OTUD5: variants seen among roughly 807,000 people sequenced by gnomAD.
OTUD5 encodes OTU deubiquitinase 5, also known as OTU domain-containing protein 5.
A neutral mutation model predicts 36.3 loss-of-function variants in OTUD5; 2 were observed. That is an observed-to-expected ratio of 0.06 (90% CI 0.02 to 0.17). The LOEUF (loss-of-function observed/expected upper bound fraction) is 0.17. Among genes scored for constraint, OTUD5 ranks in the 10% least tolerant of loss-of-function variants. The pLI, the probability that OTUD5 is intolerant of heterozygous loss-of-function variation, is 1.00. For synonymous variants in OTUD5, 234 were observed against 214.9 expected (o/e 1.09, Z -0.78); for missense variants, 233 against 512.3 (o/e 0.45, Z 5.26).
chrX:48,944,148 A>T, intron 2 of OTUD5, 42 bp downstream of exon 2: 1 of 967,296 alleles, frequency 1.0e-6, no homozygotes, highest in Non-Finnish European at 1.5e-6. Flanking sequence ...GACACAGCTT[A>T]GGGGCAGCCC....
chrX:48,943,716 T>C (rs782294817), intron 2 of OTUD5, among the ~76,000 whole-genome samples: 1 of 111,559 alleles, frequency 9.0e-6, no homozygotes, highest in Non-Finnish European at 1.9e-5. Flanking sequence ...GGTATAAACC[T>C]AGGGGTCATA....
intron 2 of OTUD5, chrX:48,939,948 C>T (rs1036720484): frequency 1.8e-5 from 2 of 113,772 alleles, no homozygotes; most frequent in African/African-American, 6.4e-5. Context: ...AGCTAGGTGT[C>T]TACAGGGAAC....
intron 1 of OTUD5, among the ~76,000 whole-genome samples, chrX:48,951,508 G>A (rs782191068): frequency 1.8e-5 from 2 of 111,777 alleles, no homozygotes; most frequent in African/African-American, 6.5e-5. Context: ...CCAGCTACTC[G>A]GGAGGCTGAG....
chrX:48,957,201 C>T lies in OTUD5; in HGVS notation c.370G>A (p.Val124Met). ...GDALGAAAAG[V>M]GAAGVVVGVG... The stretch of plus-strand genomic sequence containing the variant: ...CCCACCACCACGCCCGCGGCACCCA[C>T]ACCCGCCGCCGCTGCGCCCAGCGCG... The change falls in exon 1 of 9, where the codon GTG (valine) becomes ATG (methionine). Residue 124 changes from valine (V) to methionine (M), a missense_variant. Val to Met is a conservative substitution (Grantham distance 21). Coordinates refer to ENST00000376488, the MANE Select transcript of OTUD5 (RefSeq NM_001136157.2). 9.0e-7 allele frequency: 1 copy of T among 1,108,752 alleles called. No individual in the cohort carries two copies. Among genetic ancestry groups the T allele is most frequent in the Non-Finnish European group, 1.2e-6 (1 of 854,523 alleles). The allele number at this position is 1,108,752 out of a possible 1,213,427, so 91.4% of individuals were successfully genotyped here.
At position 48,957,318 on chromosome X, in the gene OTUD5, C is replaced by A; in HGVS notation, c.253G>T (p.Val85Leu). The change falls in exon 1 of 9, where the codon GTG becomes TTG. Residue 85 changes from valine to leucine, a missense_variant. Transcript: ENST00000376488. ...GGACCCGCCACTGCACCAGGCGGCA[C>A]GGCCAGCGCCCAGCGATGAAGAGCG... ...PGALHRWALA[V>L]PPGAVAGPRP... 8.8e-7 allele frequency: 1 copy of A among 1,131,844 alleles called. No individual in the cohort carries two copies. The highest frequency in any genetic ancestry group is 1.2e-6 in the Non-Finnish European group (1 of 864,615). 93.3% of individuals were successfully genotyped at this position (1,131,844 alleles called of 1,213,427 possible).
Position 48,957,409 on chromosome X carries a change from G to A in OTUD5, c.162C>T (p.Ser54=), listed in dbSNP as rs2064268387. ...GVGGGDRDRD[S]GVVGARPRAS... ...CTCGCGGACGGGCCCCCACGACGCC[G>A]GAGTCACGGTCGCGATCGCCGCCGC... Residue 54 remains serine (S), a synonymous_variant, in exon 1 of 9, where the codon TCC becomes TCT. Coordinates refer to ENST00000376488, the MANE Select transcript of OTUD5 (RefSeq NM_001136157.2). 1 of 1,087,503 alleles carries A rather than the reference G, an allele frequency of 9.2e-7. No homozygotes were observed. The highest frequency in any genetic ancestry group is 1.9e-5 in the African/African-American group (1 of 51,695). 89.6% of individuals were successfully genotyped at this position (1,087,503 alleles called of 1,213,427 possible). A position where few individuals can be genotyped will look rare whatever the true frequency, so the allele number is the denominator to read the frequency against.
upstream of OTUD5, chrX:48,957,735 G>A (rs1401431186): frequency 3.9e-6 from 3 of 763,695 alleles, no homozygotes; most frequent in East Asian, 3.7e-4. Flanking sequence ...AGGAGGCGGC[G>A]GCGGCGGCGG....
intron 2 of OTUD5, among the ~76,000 whole-genome samples, chrX:48,935,681 G>C (rs1273274257): frequency 9.0e-6 from 1 of 111,096 alleles, no homozygotes; most frequent in Non-Finnish European, 1.9e-5. Flanking sequence ...GCTCACACCT[G>C]TTATCCCAGC....
At chrX:48,949,385 C>T (rs1193455689) in intron 1 of OTUD5, among the ~76,000 whole-genome samples, 1 of 111,702 alleles carries the variant, frequency 9.0e-6, no homozygotes. Context: ...CTCATCTCTA[C>T]AAAAAATACA....
At position 48,957,460 on chromosome X, in the gene OTUD5, G is replaced by A. The variant is rs1557055955; in HGVS notation, c.111C>T (p.Gly37=). 2 of 929,566 alleles carry A rather than the reference G, an allele frequency of 2.2e-6. No homozygotes were observed. Among genetic ancestry groups the A allele is most frequent in the Admixed American group, 6.2e-5 (1 of 16,059 alleles). 76.6% of individuals were successfully genotyped at this position (929,566 alleles called of 1,213,427 possible). ...PPAPRRGGGV[G]VGGGGTGVGG... Reference sequence around the variant, plus strand: ...CCACGCCCGTGCCGCCGCCGCCCACGCCCACACCTCCGCCGCGCCGCGGCG... The same window carrying A: ...CCACGCCCGTGCCGCCGCCGCCCACACCCACACCTCCGCCGCGCCGCGGCG... Residue 37 remains glycine (G), a synonymous_variant, in exon 1 of 9, where the codon GGC becomes GGT. Coordinates refer to ENST00000376488, the MANE Select transcript of OTUD5 (RefSeq NM_001136157.2).
chrX:48,923,758 G>A lies in OTUD5; in HGVS notation c.1466-12C>T, dbSNP rs782778388. The A allele has an allele frequency of 5.1e-6, 6 of 1,186,659 alleles. No individual in the cohort carries two copies. Among genetic ancestry groups the A allele is most frequent in the African/African-American group, 3.5e-5 (2 of 56,825 alleles). ...CTGACTGCTTGTACCTGAAGCAGAC[G>A]GACAGTCAAAGGTAGGGACCCAGGA... On this transcript the variant is annotated splice_polypyrimidine_tract_variant and intron_variant, in intron 7 of 8. Coordinates refer to ENST00000376488, the MANE Select transcript of OTUD5 (RefSeq NM_001136157.2).
At chrX:48,947,105 G>A (rs1245189598) in intron 1 of OTUD5, among the ~76,000 whole-genome samples, 1 of 112,570 alleles carries the variant, frequency 8.9e-6, no homozygotes, top group African/African-American at 3.2e-5. Context: ...GAGGCTGGGC[G>A]AAGTGGCTCT....
At position 48,953,062 on chromosome X, in the gene OTUD5, A is replaced by G. The variant is rs183072853; in HGVS notation, c.594+3915T>C. 5.4e-5 allele frequency among the ~76,000 whole-genome samples: 6 copies of G among 111,994 alleles called. No homozygotes were observed. The East Asian group carries it at 1.1e-3, about 21-fold the overall frequency. ...TGCAAAATGGGCAGCTGAGGGGGCA[A>G]GTAGTTTGCCTAAAGCTATAAAGCA... On this transcript the variant is annotated intron_variant, in intron 1 of 8. Transcript: ENST00000376488.
rs782605249 is a variant in OTUD5 at position 48,926,069 on chromosome X, AC to A, written c.1060-20del. The A allele has an allele frequency of 3.4e-6, 4 of 1,166,114 alleles. No individual in the cohort carries two copies. In the African/African-American group the frequency reaches 5.3e-5, roughly 15 times the overall value. On this transcript the variant is annotated intron_variant, in intron 5 of 8. Coordinates refer to ENST00000376488, the MANE Select transcript of OTUD5 (RefSeq NM_001136157.2). ...CTGCAAACTGCAAGGAGGGAGAGGA[AC>A]AGGGATGTGCAATAACACACTGAAC...
At chrX:48,925,236 C>A (rs2063646418) in intron 6 of OTUD5, among the ~76,000 whole-genome samples, 1 of 100,724 alleles carries the variant, frequency 9.9e-6, no homozygotes, top group African/African-American at 3.7e-5. Flanking sequence ...CGAGACTGCG[C>A]CACTGCACTC....
chrX:48,957,734 C>CGGA (rs2147706568), upstream of OTUD5: 5 of 729,598 alleles, frequency 6.9e-6, no homozygotes, highest in South Asian at 5.8e-5. Flanking sequence ...GAGGAGGCGG[C>CGGA]GGCGGCGGCG....
rs1557055752 is a variant in OTUD5, at chrX:48,957,232, G to C, written c.339C>G (p.Pro113=). The change falls in exon 1 of 9, where the codon CCC becomes CCG. Residue 113 remains proline, a synonymous_variant. Transcript: ENST00000376488. ...CGGPGGPGGG[P]GDALGAAAAG... Reference sequence around the variant, plus strand: ...CCGCCGCTGCGCCCAGCGCGTCGCCGGGACCGCCGCCGGGACCACCTGGGC... The same window carrying C: ...CCGCCGCTGCGCCCAGCGCGTCGCCCGGACCGCCGCCGGGACCACCTGGGC... 1.1e-5 allele frequency: 12 copies of C among 1,092,815 alleles called. No individual in the cohort carries two copies. The South Asian group carries it at 2.5e-4, about 22-fold the overall frequency. 90.1% of individuals were successfully genotyped at this position (1,092,815 alleles called of 1,213,427 possible). A position where few individuals can be genotyped will look rare whatever the true frequency, so the allele number is the denominator to read the frequency against.
chrX:48,944,277 G>T lies in OTUD5; in HGVS notation c.601C>A (p.His201Asn), dbSNP rs781840824. 2 of 1,188,262 alleles carry T rather than the reference G, an allele frequency of 1.7e-6. No homozygotes were observed. Among genetic ancestry groups the T allele is most frequent in the Non-Finnish European group, 2.3e-6 (2 of 875,996 alleles). The change falls in exon 2 of 9, where the codon CAT becomes AAT. Residue 201 changes from histidine (H) to asparagine (N), a missense_variant. Around this residue, in one of 3 missense-constraint regions of OTUD5, gnomAD observed 155 missense variants for 217.2 expected, o/e 0.71. Transcript: ENST00000376488. Reference protein sequence around the residue: ...MDPATVEQQEHWFEKALRDKK... With the variant: ...MDPATVEQQENWFEKALRDKK... ...TCTCGTAGGGCCTTTTCAAACCAATGCTCCTGCTGGAGGGAAGAGGTGGGG... is the reference window on the plus strand; with the variant it reads ...TCTCGTAGGGCCTTTTCAAACCAATTCTCCTGCTGGAGGGAAGAGGTGGGG...
chrX:48,934,358 G>T (rs1296068239), intron 5 of OTUD5, 106 bp downstream of exon 5: 7 of 615,827 alleles, frequency 1.1e-5, no homozygotes, highest in Non-Finnish European at 1.8e-5. Flanking sequence ...GACCTCAGGG[G>T]AGAGAGGAGA....
Sources: gnomAD v4.1 joint callset for allele counts (sites outside exome capture counted in the v4.1 genomes callset) on GRCh38, gnomAD v4.1.1 for gene constraint, gnomAD v4.1.1 regional missense constraint, MANE v1.5 for transcripts, NCBI Gene and HGNC (gene_info 2026-07-23, HGNC 2026-07-21) for gene names.